Variants in FBXW7 observed in about 807,000 individuals in gnomAD.
The protein encoded by FBXW7 is F-box and WD repeat domain containing 7.
A neutral mutation model predicts 86.3 loss-of-function variants in FBXW7; 11 were observed. The observed-to-expected ratio is 0.13, with a 90% CI of 0.08 to 0.21. FBXW7 has a LOEUF of 0.21. Among genes scored for constraint, FBXW7 ranks in the 10% least tolerant of loss-of-function variants. FBXW7 has a pLI of 1.00. For missense variants in FBXW7, 488 were observed against 847.4 expected (o/e 0.58, Z 5.27); for synonymous variants, 313 against 297.9 (o/e 1.05, Z -0.52).
intron 2 of FBXW7, among the ~76,000 whole-genome samples, chr4:152,487,809 A>C (rs549773992): frequency 1.3e-5 from 2 of 152,170 alleles, no homozygotes; most frequent in African/African-American, 4.8e-5. Flanking sequence ...CTGCTGCTAC[A>C]TAATTTTCAG....
At chr4:152,350,251 A>G (rs1474795929) in intron 4 of FBXW7, 127 bp from the exon 5 acceptor site, 1 of 470,530 alleles carries the variant, frequency 2.1e-6, no homozygotes, top group Non-Finnish European at 3.8e-6. Context: ...AATATATAAA[A>G]TAAATGTTTC....
intron 2 of FBXW7, among the ~76,000 whole-genome samples, chr4:152,430,587 T>C (rs867553939): frequency 1.8e-4 from 28 of 152,220 alleles, no homozygotes; most frequent in African/African-American, 5.5e-4. Flanking sequence ...TGGGTTATAA[T>C]GTTACTTGGT....
chr4:152,451,598 C>T (rs1741912070), intron 2 of FBXW7: 1 of 151,946 alleles, frequency 6.6e-6, no homozygotes, highest in African/African-American at 2.4e-5. Context: ...GCAGCCTGGG[C>T]AACATGGTAA....
intron 2 of FBXW7, among the ~76,000 whole-genome samples, chr4:152,448,287 C>T (rs1275874286): frequency 6.6e-6 from 1 of 152,168 alleles, no homozygotes; most frequent in Non-Finnish European, 1.5e-5. Flanking sequence ...ATTTCCATTG[C>T]TACACAATCT....
intron 2 of FBXW7, among the ~76,000 whole-genome samples, chr4:152,455,928 G>A (rs981530340): frequency 6.6e-6 from 1 of 152,046 alleles, no homozygotes. Context: ...AATCACATAT[G>A]CAAAGTTTGT....
intron 4 of FBXW7, among the ~76,000 whole-genome samples, chr4:152,370,133 C>T (rs758136488): frequency 1.3e-5 from 2 of 151,884 alleles, no homozygotes; most frequent in South Asian, 2.1e-4. Context: ...AAAGTGATAA[C>T]GCAGAGATTT....
chr4:152,504,845 T>TA (rs1747268470), intron 2 of FBXW7, among the ~76,000 whole-genome samples: 1 of 152,184 alleles, frequency 6.6e-6, no homozygotes, highest in Non-Finnish European at 1.5e-5. Context: ...GTTGAAATGG[T>TA]AATATCATGG....
chr4:152,357,318 GT>G (rs527717602), intron 4 of FBXW7, among the ~76,000 whole-genome samples: 40 of 150,828 alleles, frequency 2.7e-4, no homozygotes, highest in African/African-American at 8.3e-4. Context: ...AGAAGTAGTA[GT>G]TTTTTCTTTT....
intron 5 of FBXW7, 44 bp from the exon 6 acceptor site, chr4:152,347,115 A>G (rs1039933894): frequency 1.3e-6 from 2 of 1,544,608 alleles, no homozygotes; most frequent in African/African-American, 2.8e-5. Context: ...TAAAAGGAAA[A>G]AAACAAAAGT....
intron 9 of FBXW7, 64 bp downstream of exon 9, chr4:152,330,668 A>G (rs1729481709): frequency 7.0e-7 from 1 of 1,429,416 alleles, no homozygotes; most frequent in Non-Finnish European, 9.4e-7. Context: ...TTGCCAAGTG[A>G]AATAGTACAC....
At chr4:152,452,429 T>G (rs369434702) in intron 2 of FBXW7, among the ~76,000 whole-genome samples, 1 of 152,212 alleles carries the variant, frequency 6.6e-6, no homozygotes, top group African/African-American at 2.4e-5. Flanking sequence ...CACTTTAGAA[T>G]AGCAAGTATA....
chr4:152,484,866 G>T (rs1316141308), intron 2 of FBXW7, among the ~76,000 whole-genome samples: 2 of 151,622 alleles, frequency 1.3e-5, no homozygotes, highest in Non-Finnish European at 2.9e-5. Flanking sequence ...GGAAGCTGAG[G>T]CAGGAGAATC....
chr4:152,526,365 A>G (rs1170557559), intron 2 of FBXW7, among the ~76,000 whole-genome samples: 1 of 152,196 alleles, frequency 6.6e-6, no homozygotes, highest in Non-Finnish European at 1.5e-5. Context: ...AAATACAAAA[A>G]CAATCAAGAA....
intron 8 of FBXW7, among the ~76,000 whole-genome samples, chr4:152,331,574 T>C (rs1365973636): frequency 6.6e-6 from 1 of 151,860 alleles, no homozygotes; most frequent in East Asian, 1.9e-4. Context: ...AGAGGAATAA[T>C]GGGGAGTTAG....
At chr4:152,523,890 A>C (rs1202342379) in intron 2 of FBXW7, among the ~76,000 whole-genome samples, 1 of 152,200 alleles carries the variant, frequency 6.6e-6, no homozygotes, top group East Asian at 1.9e-4. Context: ...TTGCTTATTT[A>C]GATCAATTCC....
At chr4:152,372,839 T>C (rs963645334) in intron 4 of FBXW7, among the ~76,000 whole-genome samples, 3 of 151,996 alleles carry the variant, frequency 2.0e-5, no homozygotes, top group Non-Finnish European at 4.4e-5. Context: ...ATACAAGTTG[T>C]TTCCATAGTG....
At chr4:152,391,745 A>C (rs1736014893) in intron 4 of FBXW7, among the ~76,000 whole-genome samples, 1 of 152,136 alleles carries the variant, frequency 6.6e-6, no homozygotes, top group Non-Finnish European at 1.5e-5. Context: ...TTACAGACAA[A>C]ACTAAGGCTC....
intron 2 of FBXW7, among the ~76,000 whole-genome samples, chr4:152,500,261 T>C (rs958161484): frequency 2.6e-5 from 4 of 152,102 alleles, no homozygotes; most frequent in African/African-American, 4.8e-5. Context: ...CTCTATATTA[T>C]GCTATGAGTT....
intron 2 of FBXW7, among the ~76,000 whole-genome samples, chr4:152,453,142 C>T (rs1054407741): frequency 6.6e-6 from 1 of 152,136 alleles, no homozygotes; most frequent in Admixed American, 6.5e-5. Context: ...CAAGATCGCA[C>T]CATTGCACTC....
Sources: allele counts gnomAD v4.1 joint callset (sites outside exome capture counted in the v4.1 genomes callset), GRCh38; gene constraint gnomAD v4.1.1; transcripts MANE v1.5; gene names NCBI Gene and HGNC (gene_info 2026-07-23, HGNC 2026-07-21).